Variants in AMOTL1 observed in about 807,000 individuals in gnomAD.
AMOTL1 encodes the protein angiomotin like 1.
Under a neutral mutation model 102.9 loss-of-function variants are expected in AMOTL1, and 45 were observed. That is an observed-to-expected ratio of 0.44 (90% CI 0.34 to 0.56). The LOEUF is 0.56. Among genes scored for constraint, AMOTL1 ranks in the 20% least tolerant of loss-of-function variants. The pLI is 0.01. For synonymous variants in AMOTL1, 481 were observed against 484.7 expected, an observed-to-expected ratio of 0.99 and a Z score of 0.10; for missense variants, 1,114 against 1,225.6, an observed-to-expected ratio of 0.91 and a Z score of 1.36.
chr11:94,845,248 G>A (rs1000954983), intron 6 of AMOTL1, among the ~76,000 whole-genome samples: 2 of 152,194 alleles, frequency 1.3e-5, no homozygotes, highest in African/African-American at 4.8e-5. Flanking sequence ...AACTGACAAA[G>A]GAGAAGGGTA....
chr11:94,859,384 C>T, intron 8 of AMOTL1, 141 bp from the exon 9 acceptor site: 2 of 805,912 alleles, frequency 2.5e-6, no homozygotes, highest in Non-Finnish European at 3.7e-6. Context: ...GAATTAACTA[C>T]AACAGAGGAA....
intron 3 of AMOTL1, among the ~76,000 whole-genome samples, chr11:94,805,620 T>C (rs1467433299): frequency 6.6e-6 from 1 of 152,232 alleles, no homozygotes; most frequent in Non-Finnish European, 1.5e-5. Context: ...ACATTGCCTT[T>C]TTGGCCTTTA....
intron 7 of AMOTL1, among the ~76,000 whole-genome samples, chr11:94,852,483 G>A (rs1480236408): frequency 1.3e-5 from 2 of 152,206 alleles, no homozygotes; most frequent in African/African-American, 2.4e-5. Flanking sequence ...TTCTCACCCA[G>A]GACCAAATCA....
At chr11:94,731,367 G>A (rs897886156) in intron 2 of AMOTL1, among the ~76,000 whole-genome samples, 3 of 152,128 alleles carry the variant, frequency 2.0e-5, no homozygotes, top group African/African-American at 4.8e-5. Context: ...CAGTGTGGCT[G>A]AAATCTGTAA....
intron 1 of AMOTL1, among the ~76,000 whole-genome samples, chr11:94,771,822 C>T (rs1349336521): frequency 6.6e-6 from 1 of 152,100 alleles, no homozygotes; most frequent in East Asian, 1.9e-4. Context: ...GCATTTTCCC[C>T]CCATCTTTTA....
chr11:94,755,055 A>G (rs1274271030), intron 3 of AMOTL1, among the ~76,000 whole-genome samples: 1 of 152,156 alleles, frequency 6.6e-6, no homozygotes. Flanking sequence ...TTCAGTTGCC[A>G]CTTGACTCCA....
intron 1 of AMOTL1, among the ~76,000 whole-genome samples, chr11:94,782,613 C>G (rs1044300317): frequency 2.6e-5 from 4 of 152,212 alleles, no homozygotes; most frequent in Non-Finnish European, 5.9e-5. Context: ...GAAAAGACCA[C>G]TGGCAGGGTT....
intron 3 of AMOTL1, among the ~76,000 whole-genome samples, chr11:94,741,368 G>T (rs1291488249): frequency 1.3e-5 from 2 of 152,158 alleles, no homozygotes; most frequent in Non-Finnish European, 2.9e-5. Flanking sequence ...ACACAGCGGC[G>T]ACTGGTTCTG....
intron 1 of AMOTL1, among the ~76,000 whole-genome samples, chr11:94,774,758 G>C (rs1951000371): frequency 3.9e-5 from 6 of 152,220 alleles, no homozygotes; most frequent in Admixed American, 3.3e-4. Flanking sequence ...CACATGTTAA[G>C]AATGACCATT....
chr11:94,792,433 G>A (rs1190935427), intron 1 of AMOTL1, among the ~76,000 whole-genome samples: 3 of 152,196 alleles, frequency 2.0e-5, no homozygotes, highest in South Asian at 2.1e-4. Flanking sequence ...AAACCTGCAC[G>A]TTGTGCACAT....
intron 9 of AMOTL1, among the ~76,000 whole-genome samples, chr11:94,863,703 C>T (rs1952820125): frequency 6.6e-6 from 1 of 152,190 alleles, no homozygotes; most frequent in Non-Finnish European, 1.5e-5. Context: ...TAGTCAGAGC[C>T]ATTATTGTGC....
chr11:94,786,911 T>G (rs1022296767), intron 1 of AMOTL1, among the ~76,000 whole-genome samples: 10 of 152,212 alleles, frequency 6.6e-5, no homozygotes, highest in African/African-American at 2.4e-4. Flanking sequence ...TCTTCGGTAC[T>G]AGGAACATAT....
At chr11:94,787,022 G>A (rs990684795) in intron 1 of AMOTL1, among the ~76,000 whole-genome samples, 7 of 151,506 alleles carry the variant, frequency 4.6e-5, no homozygotes, top group African/African-American at 1.7e-4. Context: ...CACAGTCTCT[G>A]TTGTTATAAA....
intron 6 of AMOTL1, among the ~76,000 whole-genome samples, chr11:94,842,318 A>T (rs1352282871): frequency 1.3e-5 from 2 of 152,102 alleles, no homozygotes; most frequent in African/African-American, 2.4e-5. Flanking sequence ...CAGTAGGAAA[A>T]ATGAGACAGA....
At chr11:94,785,663 G>A (rs956990886) in intron 1 of AMOTL1, among the ~76,000 whole-genome samples, 2 of 152,148 alleles carry the variant, frequency 1.3e-5, no homozygotes, top group African/African-American at 4.8e-5. Context: ...GGATGCCGCT[G>A]CCTGACAGAT....
chr11:94,771,184 G>A (rs1950943578), intron 1 of AMOTL1, among the ~76,000 whole-genome samples: 1 of 140,758 alleles, frequency 7.1e-6, no homozygotes, highest in Non-Finnish European at 1.5e-5. Flanking sequence ...TAACTTTATA[G>A]GACCTGCTAA....
intron 1 of AMOTL1, among the ~76,000 whole-genome samples, chr11:94,792,767 G>A (rs373728528): frequency 3.9e-5 from 6 of 152,128 alleles, no homozygotes; most frequent in Admixed American, 3.9e-4. Flanking sequence ...TGTGTGTGGG[G>A]GTGTGTGAAA....
At chr11:94,833,890 T>C (rs1036345839) in intron 6 of AMOTL1, among the ~76,000 whole-genome samples, 1 of 152,200 alleles carries the variant, frequency 6.6e-6, no homozygotes, top group African/African-American at 2.4e-5. Context: ...AGCAGCTGGA[T>C]GGATGATCAC....
intron 6 of AMOTL1, among the ~76,000 whole-genome samples, chr11:94,848,261 A>C (rs1027709919): frequency 2.6e-5 from 4 of 152,174 alleles, no homozygotes; most frequent in African/African-American, 9.6e-5. Context: ...GAGGTCTCAC[A>C]TGCCCGTGGA....
Sources: gnomAD v4.1 joint callset for allele counts (sites outside exome capture counted in the v4.1 genomes callset) on GRCh38, gnomAD v4.1.1 for gene constraint, MANE v1.5 for transcripts, NCBI Gene and HGNC (gene_info 2026-07-23, HGNC 2026-07-21) for gene names.